Variants in GSG1L observed in about 807,000 individuals in gnomAD.
GSG1L encodes GSG1 like.
In GSG1L, 24 loss-of-function variants were observed where a neutral mutation model predicts 42.1. That is an observed-to-expected ratio of 0.57 (90% CI 0.41 to 0.80). The LOEUF is 0.80. GSG1L is among the 30% of genes least tolerant of loss of function. The probability of loss-of-function intolerance (pLI) is 0.00; values close to 1 mark genes in which losing one functional copy is unlikely to be tolerated. For synonymous variants in GSG1L, 215 were observed against 203.5 expected, an observed-to-expected ratio of 1.06 and a Z score of -0.48; for missense variants, 445 against 472.2, an observed-to-expected ratio of 0.94 and a Z score of 0.53.
At chr16:27,821,126 G>C (rs556957725) in intron 5 of GSG1L, among the ~76,000 whole-genome samples, 1 of 152,096 alleles carries the variant, frequency 6.6e-6, no homozygotes, top group Non-Finnish European at 1.5e-5. Context: ...AGCCACTTCC[G>C]GGAGACTCGA....
At chr16:27,821,407 T>C (rs1459771074) in intron 5 of GSG1L, among the ~76,000 whole-genome samples, 1 of 152,094 alleles carries the variant, frequency 6.6e-6, no homozygotes, top group East Asian at 1.9e-4. Context: ...TAGTACCTGA[T>C]AGGTGGTTTT....
At position 27,994,204 on chromosome 16, in the gene GSG1L, G is replaced by A. The variant is rs532478679; in HGVS notation, c.350-31001C>T. On this transcript the variant is annotated intron_variant, in intron 1 of 6. Transcript: ENST00000447459. ...TTGGCGAGACTGTAACATAAGGATA[G>A]GAGAAAGGCTTGAACCACCAAGGGG... Among the ~76,000 whole-genome samples, 5 of 152,308 alleles carry A rather than the reference G, an allele frequency of 3.3e-5. No individual in the cohort carries two copies. In the South Asian group the frequency reaches 1.0e-3, roughly 32 times the overall value.
Position 28,024,908 on chromosome 16 carries a change from A to T in GSG1L, c.349+38168T>A, listed in dbSNP as rs182016499. 3.4e-3 allele frequency among the ~76,000 whole-genome samples: 525 copies of T among 152,290 alleles called. 1 individual carries two copies. The highest frequency in any genetic ancestry group is 6.6e-3 in the Non-Finnish European group (446 of 68,022). On this transcript the variant is annotated intron_variant, in intron 1 of 6. Coordinates refer to ENST00000447459, the MANE Select transcript of GSG1L (RefSeq NM_001109763.2). ...AGGGGAAGGCTTTCTTACATTTACCAAAGTTCCCTGTGTGCTGCAGCAGCC... is the reference window on the plus strand; with the variant it reads ...AGGGGAAGGCTTTCTTACATTTACCTAAGTTCCCTGTGTGCTGCAGCAGCC...
At chr16:27,845,649 G>C (rs1251264754) in intron 3 of GSG1L, among the ~76,000 whole-genome samples, 1 of 152,172 alleles carries the variant, frequency 6.6e-6, no homozygotes, top group East Asian at 1.9e-4. Context: ...AGACAGAGCA[G>C]AGAAAACTGC....
Position 28,059,851 on chromosome 16 carries a change from T to A in GSG1L, c.349+3225A>T, listed in dbSNP as rs769969409. ...GGAGAAAAGGTTTCTTTGTGCAGGGTCTGGTGAAAGTGTGTCTGTTTAGGG... is the reference window on the plus strand; with the variant it reads ...GGAGAAAAGGTTTCTTTGTGCAGGGACTGGTGAAAGTGTGTCTGTTTAGGG... On this transcript the variant is annotated intron_variant, in intron 1 of 6. Transcript: ENST00000447459. This position sits in a 1 kb window ranked among gnomAD's most constrained non-coding sequence, Gnocchi z 4.4. Among the ~76,000 whole-genome samples, 1 of 152,108 alleles carries A rather than the reference T, an allele frequency of 6.6e-6. No homozygotes were observed. The highest frequency in any genetic ancestry group is 6.6e-5 in the Admixed American group (1 of 15,262).
chr16:27,922,685 G>C (rs1226112931), intron 2 of GSG1L, among the ~76,000 whole-genome samples: 2 of 152,186 alleles, frequency 1.3e-5, no homozygotes, highest in Non-Finnish European at 2.9e-5. Context: ...ATGGATGACA[G>C]CCAATCCTAC....
intron 2 of GSG1L, among the ~76,000 whole-genome samples, chr16:27,939,291 T>A (rs541566686): frequency 1.7e-4 from 26 of 152,220 alleles, no homozygotes; most frequent in South Asian, 2.1e-4. Flanking sequence ...CCAGCTTTTT[T>A]AAAATACATT....
intron 2 of GSG1L, among the ~76,000 whole-genome samples, chr16:27,928,770 G>A (rs950587837): frequency 1.3e-5 from 2 of 152,194 alleles, no homozygotes; most frequent in African/African-American, 4.8e-5. Flanking sequence ...CTTGAGAGCT[G>A]TCCTGATCTC....
chr16:28,063,096 T>G lies in GSG1L; in HGVS notation c.329A>C (p.Glu110Ala), dbSNP rs1216716339. 2.8e-6 allele frequency: 4 copies of G among 1,436,772 alleles called. No individual in the cohort carries two copies. The Admixed American group carries it at 9.8e-5, about 35-fold the overall frequency. 89.0% of individuals were successfully genotyped at this position (1,436,772 alleles called of 1,614,324 possible). A position where few individuals can be genotyped will look rare whatever the true frequency, so the allele number is the denominator to read the frequency against. ...CTCACCAAGCCCGCTGAGCTCCTCC[T>G]CGCACGAGTACCAGATGCCGGTGTG... is the stretch of plus-strand genomic sequence containing the variant. Reference protein sequence around the residue: ...NFHTGIWYSCEEELSGLGEKC... With the variant: ...NFHTGIWYSCAEELSGLGEKC... Residue 110 changes from glutamate to alanine, a missense_variant, in exon 1 of 7, where the codon GAG becomes GCG. Physicochemically the swap from Glu to Ala is moderately radical, Grantham distance 107. This residue lies in a region of GSG1L where 149 missense variants were observed against 223.3 expected (regional missense o/e 0.67). Coordinates refer to ENST00000447459, the MANE Select transcript of GSG1L (RefSeq NM_001109763.2). This position sits in a 1 kb window ranked among gnomAD's most constrained non-coding sequence, Gnocchi z 5.8.
chr16:27,931,169 G>T (rs1485942233), intron 2 of GSG1L, among the ~76,000 whole-genome samples: 2 of 152,176 alleles, frequency 1.3e-5, no homozygotes, highest in African/African-American at 2.4e-5. Flanking sequence ...CTTCACTCGG[G>T]CTCTTCGTGG....
chr16:28,026,883 A>G (rs992810033), intron 1 of GSG1L, among the ~76,000 whole-genome samples: 1 of 152,164 alleles, frequency 6.6e-6, no homozygotes, highest in Non-Finnish European at 1.5e-5. Context: ...GGAGTTCGAG[A>G]CCAGCCTGGC....
chr16:27,945,244 T>C (rs1388213829), intron 2 of GSG1L, among the ~76,000 whole-genome samples: 1 of 152,128 alleles, frequency 6.6e-6, no homozygotes, highest in Non-Finnish European at 1.5e-5. Context: ...AACCACTGAA[T>C]TATACACTTT....
chr16:27,800,851 G>A (rs1040878468), intron 6 of GSG1L, among the ~76,000 whole-genome samples: 3 of 152,150 alleles, frequency 2.0e-5, no homozygotes, highest in Admixed American at 2.0e-4. Context: ...CACTCAAGGC[G>A]CCTGTTCTCA....
chr16:27,891,882 A>ATATTTTT (rs1224468785), intron 2 of GSG1L, among the ~76,000 whole-genome samples: 1 of 50,508 alleles, frequency 2.0e-5, no homozygotes, highest in Non-Finnish European at 5.0e-5. Flanking sequence ...TCAGTGACAG[A>ATATTTTT]TCTTTTTTTT....
In GSG1L at chr16:28,059,926, A is replaced by G. The variant is rs545665650; in HGVS notation, c.349+3150T>C. On this transcript the variant is annotated intron_variant, in intron 1 of 6. Coordinates refer to ENST00000447459, the MANE Select transcript of GSG1L (RefSeq NM_001109763.2). This position sits in a 1 kb window ranked among gnomAD's most constrained non-coding sequence, Gnocchi z 4.4. Reference sequence around the variant, plus strand: ...ACTGTAGATTTTTAGTGTGGGAAAAAGGGCTTATTACATTTCCCTGTGGCT... The same window carrying G: ...ACTGTAGATTTTTAGTGTGGGAAAAGGGGCTTATTACATTTCCCTGTGGCT... Among the ~76,000 whole-genome samples, 1 of 152,248 alleles carries G rather than the reference A, an allele frequency of 6.6e-6. No individual in the cohort carries two copies. The highest frequency in any genetic ancestry group is 2.1e-4 in the South Asian group (1 of 4,818).
intron 6 of GSG1L, among the ~76,000 whole-genome samples, chr16:27,800,924 C>G (rs1470437013): frequency 6.6e-6 from 1 of 151,912 alleles, no homozygotes; most frequent in South Asian, 2.1e-4. Context: ...AAGATCATTT[C>G]GGAGAGGGAC....
intron 3 of GSG1L, among the ~76,000 whole-genome samples, chr16:27,869,001 C>CA (rs1567495571): frequency 6.6e-6 from 1 of 152,058 alleles, no homozygotes; most frequent in Non-Finnish European, 1.5e-5. Flanking sequence ...GGAAGGCCAG[C>CA]ATGTGTTCAC....
chr16:28,044,288 G>T (rs1415458930), intron 1 of GSG1L, among the ~76,000 whole-genome samples: 1 of 149,624 alleles, frequency 6.7e-6, no homozygotes, highest in Non-Finnish European at 1.5e-5. Context: ...AAAGCAGGAG[G>T]ATGGGAAAGA....
At chr16:27,878,064 A>G (rs2083908901) in intron 3 of GSG1L, among the ~76,000 whole-genome samples, 1 of 152,106 alleles carries the variant, frequency 6.6e-6, no homozygotes, top group African/African-American at 2.4e-5. Context: ...AAAGAAAAAA[A>G]AAATGGTTTT....
Sources: allele counts gnomAD v4.1 joint callset (sites outside exome capture counted in the v4.1 genomes callset), GRCh38; gene constraint gnomAD v4.1.1; regional missense constraint gnomAD v4.1.1; non-coding constraint Gnocchi (gnomAD v3.1); transcripts MANE v1.5; gene names NCBI Gene and HGNC (gene_info 2026-07-23, HGNC 2026-07-21).